DCBLD2: variants seen among roughly 807,000 people sequenced by gnomAD.
DCBLD2 encodes the protein discoidin, CUB and LCCL domain containing 2.
DCBLD2 carries 54 observed loss-of-function variants against 86.8 expected under a neutral mutation model. The observed-to-expected ratio is 0.62, with a 90% CI of 0.50 to 0.78. The LOEUF (loss-of-function observed/expected upper bound fraction) is 0.78, where lower values mean the gene tolerates loss of function less well. Ranked by LOEUF, DCBLD2 falls within the 30% of genes least tolerant of loss-of-function variation. The pLI is 0.00. For synonymous variants in DCBLD2, 354 were observed against 341.3 expected (o/e 1.04, Z -0.41); for missense variants, 908 against 954.2 (o/e 0.95, Z 0.64).
chr3:98,867,383 C>T (rs1009524782), intron 2 of DCBLD2, among the ~76,000 whole-genome samples: 1 of 152,136 alleles, frequency 6.6e-6, no homozygotes, highest in African/African-American at 2.4e-5. Context: ...TTTCATTGAG[C>T]AGTGGTTTGT....
At chr3:98,861,856 G>A (rs955042033) in intron 2 of DCBLD2, among the ~76,000 whole-genome samples, 11 of 151,880 alleles carry the variant, frequency 7.2e-5, no homozygotes, top group African/African-American at 2.2e-4. Flanking sequence ...GCTAGCAGAA[G>A]GCAAGAAATA....
intron 13 of DCBLD2, among the ~76,000 whole-genome samples, chr3:98,804,382 C>T (rs1443391202): frequency 2.6e-5 from 4 of 151,646 alleles, no homozygotes; most frequent in Non-Finnish European, 2.9e-5. Context: ...TCTGTGGGAT[C>T]GGTGGTGATA....
At chr3:98,826,157 C>T (rs1942216339) in intron 3 of DCBLD2, among the ~76,000 whole-genome samples, 4 of 128,054 alleles carry the variant, frequency 3.1e-5, no homozygotes, top group African/African-American at 1.2e-4. Flanking sequence ...TAAAAAGTGG[C>T]TTTGGTTAAA....
chr3:98,800,069 A>C (rs1356130065), intron 15 of DCBLD2, among the ~76,000 whole-genome samples: 3 of 152,192 alleles, frequency 2.0e-5, no homozygotes, highest in African/African-American at 7.2e-5. Flanking sequence ...TTGCATATAG[A>C]ATTTTCACAT....
chr3:98,863,334 G>T (rs1208787018), intron 2 of DCBLD2, among the ~76,000 whole-genome samples: 1 of 152,120 alleles, frequency 6.6e-6, no homozygotes, highest in East Asian at 1.9e-4. Context: ...AGCTACCAAT[G>T]ACTTTCTTCA....
chr3:98,829,925 A>T (rs1942290752), intron 3 of DCBLD2, among the ~76,000 whole-genome samples: 1 of 152,142 alleles, frequency 6.6e-6, no homozygotes, highest in African/African-American at 2.4e-5. Flanking sequence ...ACTTTTTAAT[A>T]ATAGCCATTC....
intron 2 of DCBLD2, among the ~76,000 whole-genome samples, chr3:98,858,068 G>C (rs973814438): frequency 2.0e-5 from 3 of 152,234 alleles, no homozygotes; most frequent in Non-Finnish European, 4.4e-5. Flanking sequence ...AGCCCACGGT[G>C]GGGGGCAGGC....
At chr3:98,845,337 C>G (rs1188245642) in intron 3 of DCBLD2, among the ~76,000 whole-genome samples, 1 of 152,120 alleles carries the variant, frequency 6.6e-6, no homozygotes, top group Non-Finnish European at 1.5e-5. Context: ...CAGAGCTTTA[C>G]CCAAGAGGGC....
chr3:98,828,618 G>A (rs1162963515), intron 3 of DCBLD2, among the ~76,000 whole-genome samples: 1 of 152,154 alleles, frequency 6.6e-6, no homozygotes, highest in East Asian at 1.9e-4. Flanking sequence ...TTGTAAAATG[G>A]TGCAACTGTT....
intron 2 of DCBLD2, among the ~76,000 whole-genome samples, chr3:98,878,985 T>C (rs773142057): frequency 6.6e-6 from 1 of 152,120 alleles, no homozygotes; most frequent in Non-Finnish European, 1.5e-5. Context: ...CTCCTGGAGC[T>C]TTGACTAGAA....
chr3:98,872,289 G>A (rs1035222790), intron 2 of DCBLD2, among the ~76,000 whole-genome samples: 13 of 152,124 alleles, frequency 8.5e-5, no homozygotes, highest in Non-Finnish European at 1.5e-4. Context: ...GCCATCTCAC[G>A]GGAGTGAGTT....
chr3:98,858,369 C>T lies in DCBLD2; in HGVS notation c.434-8771G>A, dbSNP rs563496571. ...GCCTTGGCCAGCCCAGGAAGGGGCT[C>T]CCACAGTGCAGCAGCAGGCTGAAGG... On this transcript the variant is annotated intron_variant, in intron 2 of 15. Coordinates refer to ENST00000326840, the MANE Select transcript of DCBLD2 (RefSeq NM_080927.4). Among the ~76,000 whole-genome samples, 333 of 152,332 alleles carry T rather than the reference C, an allele frequency of 2.2e-3. 4 individuals carry two copies. Among genetic ancestry groups the T allele is most frequent in the Non-Finnish European group, 1.9e-3 (132 of 68,018 alleles).
intron 2 of DCBLD2, among the ~76,000 whole-genome samples, chr3:98,862,380 T>C (rs933600033): frequency 6.6e-6 from 1 of 152,184 alleles, no homozygotes; most frequent in Non-Finnish European, 1.5e-5. Context: ...GAGGCCAGCA[T>C]CATCCTGATA....
chr3:98,867,753 TG>T (rs35643645), intron 2 of DCBLD2, among the ~76,000 whole-genome samples: 54,336 of 151,770 alleles, frequency 0.36, 9,828 homozygotes, highest in Non-Finnish European at 0.38. Context: ...AAGGGAATCA[TG>T]GAAAAGCATT....
In DCBLD2 at chr3:98,881,658, T is replaced by C; in HGVS notation, c.315A>G (p.Val105=). 6.2e-7 allele frequency: 1 copy of C among 1,613,988 alleles called. No individual in the cohort carries two copies. Among genetic ancestry groups the C allele is most frequent in the South Asian group, 1.1e-5 (1 of 91,078 alleles). Residue 105 remains valine, a synonymous_variant, in exon 2 of 16, where the codon GTA becomes GTG. Transcript: ENST00000326840. ...TGATGCGAACTCTCTCTCCCATCTT[T>C]ACACGGATCTCCCATTCACAAACAG... is the stretch of plus-strand genomic sequence containing the variant. ...NSTVCEWEIR[V]KMGERVRIKF...
In DCBLD2 at chr3:98,797,014, T is replaced by C. The variant is rs1941614765; in HGVS notation, c.*2358A>G. On this transcript the variant is annotated 3_prime_UTR_variant, in exon 16 of 16. Coordinates refer to ENST00000326840, the MANE Select transcript of DCBLD2 (RefSeq NM_080927.4). The stretch of plus-strand genomic sequence containing the variant: ...ACTTGATTGTCTCCAAAGCCGTATA[T>C]GTATCAGACATATAAATGTAGTAAA... The C allele has an allele frequency of 6.8e-6, 1 of 147,124 alleles. No homozygotes were observed. The highest frequency in any genetic ancestry group is 1.5e-5 in the Non-Finnish European group (1 of 67,194). 9.1% of individuals were successfully genotyped at this position (147,124 alleles called of 1,614,324 possible).
chr3:98,869,080 C>A (rs1302568280), intron 2 of DCBLD2, among the ~76,000 whole-genome samples: 1 of 152,116 alleles, frequency 6.6e-6, no homozygotes, highest in Non-Finnish European at 1.5e-5. Context: ...ACATTCTCAC[C>A]AACAGTGTAT....
intron 3 of DCBLD2, among the ~76,000 whole-genome samples, chr3:98,832,065 G>A (rs1299337894): frequency 6.6e-6 from 1 of 152,170 alleles, no homozygotes; most frequent in Non-Finnish European, 1.5e-5. Flanking sequence ...CTATTATTGT[G>A]TGGGAGCCTA....
chr3:98,811,281 T>C lies in DCBLD2; in HGVS notation c.1489A>G (p.Ser497Gly), dbSNP rs770529510. The C allele has an allele frequency of 1.9e-6, 3 of 1,613,088 alleles. No individual in the cohort carries two copies. The highest frequency in any genetic ancestry group is 2.2e-5 in the South Asian group (2 of 90,864). The change falls in exon 12 of 16, where the codon AGT becomes GGT. Residue 497 changes from serine to glycine, a missense_variant. Ser to Gly is a moderately conservative substitution (Grantham distance 56). Coordinates refer to ENST00000326840, the MANE Select transcript of DCBLD2 (RefSeq NM_080927.4). The part of the protein sequence containing the change: ...PKFTQPLQPR[S>G]SNEFPAQTEQ... ...GTCTGTGCAGGAAATTCATTGCTAC[T>C]GCGAGGTTGTAGTGGTTGCGTAAAT...
Sources: gnomAD v4.1 joint callset for allele counts (sites outside exome capture counted in the v4.1 genomes callset) on GRCh38, gnomAD v4.1.1 for gene constraint, MANE v1.5 for transcripts, NCBI Gene and HGNC (gene_info 2026-07-23, HGNC 2026-07-21) for gene names.